Variants in C7 observed in about 807,000 individuals in gnomAD.
The protein encoded by C7 is complement component C7.
Under a neutral mutation model 104.8 loss-of-function variants are expected in C7, and 83 were observed. The observed-to-expected ratio is 0.79, with a 90% CI of 0.66 to 0.95. The LOEUF is 0.95. C7 is among the 40% of genes least tolerant of loss of function. The pLI is 0.00. For synonymous variants in C7, 415 were observed against 360.6 expected, an observed-to-expected ratio of 1.15 and a Z score of -1.71; for missense variants, 1,070 against 1,011.2, an observed-to-expected ratio of 1.06 and a Z score of -0.79.
At chr5:40,929,885 T>C (rs114409757) in intron 2 of C7, among the ~76,000 whole-genome samples, 2,644 of 152,304 alleles carry the variant, frequency 0.017, 36 homozygotes, top group Non-Finnish European at 0.022. Flanking sequence ...TGCCAATTTT[T>C]AGTTTTCCAC....
intron 6 of C7, among the ~76,000 whole-genome samples, 184 bp downstream of exon 6, chr5:40,937,874 A>T (rs1026796320): frequency 2.6e-5 from 4 of 152,110 alleles, no homozygotes; most frequent in Admixed American, 6.6e-5. Context: ...GGGCAATGAT[A>T]CTTTTAACAT....
chr5:40,977,175 T>A (rs1230308755), intron 16 of C7, among the ~76,000 whole-genome samples: 3 of 152,160 alleles, frequency 2.0e-5, no homozygotes, highest in Non-Finnish European at 4.4e-5. Flanking sequence ...TGAAATTCCT[T>A]TGGCACATAA....
At chr5:40,965,857 GGTCTCGAA>G (rs1740539792) in intron 14 of C7, among the ~76,000 whole-genome samples, 1 of 151,546 alleles carries the variant, frequency 6.6e-6, no homozygotes, top group African/African-American at 2.4e-5. Context: ...TGGCCAGGCT[GGTCTCGAA>G]GTCCTGAACT....
In C7 at chr5:40,949,764, A is replaced by C. The variant is rs1350312690; in HGVS notation, c.983-140A>C. On this transcript the variant is annotated intron_variant, in intron 8 of 17. Transcript: ENST00000313164. ...TTCTGATCTTTGACTCTTCTAGAGC[A>C]CTTGAAAATGTTCATATCATGTCAC... 7 of 630,978 alleles carry C rather than the reference A, an allele frequency of 1.1e-5. No individual in the cohort carries two copies. In the Admixed American group the frequency reaches 1.6e-4, roughly 15 times the overall value. 39.1% of individuals were successfully genotyped at this position (630,978 alleles called of 1,614,324 possible).
intron 9 of C7, among the ~76,000 whole-genome samples, chr5:40,953,070 C>G (rs1470938700): frequency 6.6e-6 from 1 of 152,060 alleles, no homozygotes; most frequent in Non-Finnish European, 1.5e-5. Context: ...GATTGTGATT[C>G]AGTAATACAG....
chr5:40,979,789 A>T lies in C7; in HGVS notation c.2230A>T (p.Lys744Ter). ...SKRILPLTVC[K>*]MHVLHCQGRN... ...AAGGATACTGCCTCTGACAGTTTGC[A>T]AGATGCATGTTCTCCACTGTCAGGG... Residue 744 changes from lysine to a stop codon, truncating the protein, a stop_gained, in exon 17 of 18, where the codon AAG becomes TAG. Transcript: ENST00000313164. LOFTEE classifies it high-confidence loss of function. 6.2e-7 allele frequency: 1 copy of T among 1,613,702 alleles called. No homozygotes were observed. The highest frequency in any genetic ancestry group is 1.3e-5 in the African/African-American group (1 of 75,024).
intron 15 of C7, among the ~76,000 whole-genome samples, chr5:40,973,659 T>G (rs1740749163): frequency 1.3e-5 from 2 of 152,238 alleles, no homozygotes; most frequent in African/African-American, 2.4e-5. Flanking sequence ...GACAGTTGTT[T>G]TGTGTTCTGT....
intron 2 of C7, among the ~76,000 whole-genome samples, chr5:40,930,466 A>G (rs951096124): frequency 1.3e-5 from 2 of 151,786 alleles, no homozygotes; most frequent in African/African-American, 4.8e-5. Context: ...TCGGACTCCC[A>G]AAGTGCTGAG....
In C7 at chr5:40,976,779, T is replaced by G. The variant is rs769933593; in HGVS notation, c.2104T>G (p.Cys702Gly). The G allele has an allele frequency of 3.7e-6, 6 of 1,604,826 alleles. No homozygotes were observed. In the African/African-American group the frequency reaches 8.0e-5, roughly 21 times the overall value. ...TCCGTTAACACAGGCAGTGCCTAAA[T>G]GTCAGCGCTGGGAGAAACTGCAGAA... ...ENPLTQAVPKCQRWEKLQNSR... is the reference protein window; with the variant it reads ...ENPLTQAVPKGQRWEKLQNSR... Residue 702 changes from cysteine (C) to glycine (G), a missense_variant, in exon 16 of 18, where the codon TGT becomes GGT. Coordinates refer to ENST00000313164, the MANE Select transcript of C7 (RefSeq NM_000587.4).
In C7 at chr5:40,958,224, G is replaced by T. The variant is rs373200862; in HGVS notation, c.1452G>T (p.Ala484=). 2.1e-4 allele frequency: 343 copies of T among 1,611,660 alleles called. 1 individual carries two copies. Among genetic ancestry groups the T allele is most frequent in the Admixed American group, 3.3e-4 (20 of 59,886 alleles). Residue 484 remains alanine, a synonymous_variant, in exon 11 of 18, where the codon GCG becomes GCT. Transcript: ENST00000313164. ...LCHCKPYTFG[A]ACEQGVLVGN... is the part of the protein sequence containing the mutation. ...ATTGCAAACCGTACACATTTGGTGCGGCGTGTGAGCAAGGAGTCCTCGTAG... is the reference window on the plus strand; with the variant it reads ...ATTGCAAACCGTACACATTTGGTGCTGCGTGTGAGCAAGGAGTCCTCGTAG...
At position 40,958,243 on chromosome 5, in the gene C7, C is replaced by G; in HGVS notation, c.1471C>G (p.Leu491Val). Residue 491 changes from leucine (L) to valine (V), a missense_variant, in exon 11 of 18, where the codon CTC (leucine) becomes GTC (valine). Physicochemically the swap from Leu to Val is conservative, Grantham distance 32. Coordinates refer to ENST00000313164, the MANE Select transcript of C7 (RefSeq NM_000587.4). ...TGGTGCGGCGTGTGAGCAAGGAGTC[C>G]TCGTAGGGAATCAAGCAGGTCAGTG... The part of the protein sequence containing the change: ...TFGAACEQGV[L>V]VGNQAGGVDG... 1 of 1,606,298 alleles carries G rather than the reference C, an allele frequency of 6.2e-7. No individual in the cohort carries two copies. The highest frequency in any genetic ancestry group is 2.2e-5 in the East Asian group (1 of 44,826).
chr5:40,915,933 G>A (rs1739307551), intron 1 of C7, among the ~76,000 whole-genome samples: 2 of 152,122 alleles, frequency 1.3e-5, no homozygotes, highest in South Asian at 4.1e-4. Flanking sequence ...AAGAGTTTTG[G>A]GGAGTTCAGG....
At chr5:40,935,703 G>A (rs1361854096) in intron 4 of C7, among the ~76,000 whole-genome samples, 1 of 152,144 alleles carries the variant, frequency 6.6e-6, no homozygotes, top group Non-Finnish European at 1.5e-5. Flanking sequence ...TGGGGATGAT[G>A]CTGGGGAGAT....
intron 1 of C7, among the ~76,000 whole-genome samples, chr5:40,926,777 C>A (rs1739562754): frequency 6.6e-6 from 1 of 152,044 alleles, no homozygotes. Flanking sequence ...GGAAAGGTAT[C>A]CCTTGTTCAT....
rs1021915513 is a variant in C7 at position 40,955,612 on chromosome 5, A to G, written c.1260+59A>G. ...AGTCATGTTTATTTGCATGAGGAAA[A>G]CGAAGGTGGTTAAATCAAGATGGTT... On this transcript the variant is annotated intron_variant, in intron 10 of 17. Coordinates refer to ENST00000313164, the MANE Select transcript of C7 (RefSeq NM_000587.4). 8 of 1,506,260 alleles carry G rather than the reference A, an allele frequency of 5.3e-6. No homozygotes were observed. The Admixed American group carries it at 7.8e-5, about 15-fold the overall frequency. 93.3% of individuals were successfully genotyped at this position (1,506,260 alleles called of 1,614,324 possible).
chr5:40,934,381 A>C lies in C7; in HGVS notation c.195A>C (p.Gly65=). 1 of 1,613,676 alleles carries C rather than the reference A, an allele frequency of 6.2e-7. No individual in the cohort carries two copies. Among genetic ancestry groups the C allele is most frequent in the South Asian group, 1.1e-5 (1 of 91,066 alleles). Residue 65 remains glycine (G), a synonymous_variant, in exon 4 of 18, where the codon GGA becomes GGC. Coordinates refer to ENST00000313164, the MANE Select transcript of C7 (RefSeq NM_000587.4). The part of the protein sequence containing the change: ...YGQYGGQPCV[G]NAFETQSCEP... ...AGTATGGAGGCCAGCCTTGTGTTGG[A>C]AATGCTTTTGAAACACAGTCCTGTG... is the stretch of plus-strand genomic sequence containing the variant.
rs767611028 is a variant in C7, at chr5:40,981,561, G to A, written c.2520G>A (p.Ala840=). ...TCACCAGCATAAGGCCTTGTGCTGC[G>A]GAAACCCAGTAGGCTCCTGGAGGCC... The part of the protein sequence containing the change: ...ISVTSIRPCA[A]ETQ The change falls in exon 18 of 18, where the codon GCG becomes GCA. Residue 840 remains alanine, a synonymous_variant. Coordinates refer to ENST00000313164, the MANE Select transcript of C7 (RefSeq NM_000587.4). 2.6e-5 allele frequency: 41 copies of A among 1,607,710 alleles called. No homozygotes were observed. The Middle Eastern group carries it at 5.0e-4, about 20-fold the overall frequency.
rs765640025 is a variant in C7, at chr5:40,955,447, T to C, written c.1154T>C (p.Ile385Thr). ...PFIRGGGAGFISGLSYLELDN... is the reference protein window; with the variant it reads ...PFIRGGGAGFTSGLSYLELDN... ...ATCAGAGGGGGAGGTGCAGGCTTCA[T>C]ATCTGGCCTTAGTTACCTAGAGCTG... is the stretch of plus-strand genomic sequence containing the variant. The change falls in exon 10 of 18, where the codon ATA becomes ACA. Residue 385 changes from isoleucine (I) to threonine (T), a missense_variant. Coordinates refer to ENST00000313164, the MANE Select transcript of C7 (RefSeq NM_000587.4). 1.9e-6 allele frequency: 3 copies of C among 1,613,360 alleles called. No homozygotes were observed. Among genetic ancestry groups the C allele is most frequent in the Admixed American group, 3.3e-5 (2 of 59,908 alleles).
chr5:40,952,189 A>G (rs1270789167), intron 9 of C7, among the ~76,000 whole-genome samples: 2 of 152,272 alleles, frequency 1.3e-5, no homozygotes, highest in Admixed American at 1.3e-4. Context: ...TAAGTGATGT[A>G]CAAAAATAAA....
Sources: allele counts gnomAD v4.1 joint callset (sites outside exome capture counted in the v4.1 genomes callset), GRCh38; gene constraint gnomAD v4.1.1; transcripts MANE v1.5; gene names NCBI Gene and HGNC (gene_info 2026-07-23, HGNC 2026-07-21).